The following CCDC38 variants were observed in gnomAD, a reference collection of about 807,000 sequenced individuals.
The protein encoded by CCDC38 is coiled-coil domain-containing protein 38.
A neutral mutation model predicts 72.8 loss-of-function variants in CCDC38; 69 were observed. That is an observed-to-expected ratio of 0.95 (90% CI 0.78 to 1.16). CCDC38 has a LOEUF of 1.16. Ranked by LOEUF, CCDC38 falls within the 50% of genes most tolerant of loss-of-function variation. The pLI is 0.00. For missense variants in CCDC38, 626 were observed against 638.9 expected (o/e 0.98, Z 0.22); for synonymous variants, 201 against 213.2 (o/e 0.94, Z 0.50).
intron 2 of CCDC38, among the ~76,000 whole-genome samples, chr12:95,922,272 A>G (rs2080217526): frequency 6.6e-6 from 1 of 152,174 alleles, no homozygotes. Context: ...CCTAAATACT[A>G]CGAGATAGCT....
chr12:95,911,972 C>T (rs2136711242), intron 4 of CCDC38, among the ~76,000 whole-genome samples: 1 of 152,236 alleles, frequency 6.6e-6, no homozygotes, highest in African/African-American at 2.4e-5. Flanking sequence ...ACCTAGATGC[C>T]CATCAACAGT....
chr12:95,919,911 T>G (rs1299305195), intron 2 of CCDC38, among the ~76,000 whole-genome samples: 1 of 152,222 alleles, frequency 6.6e-6, no homozygotes, highest in East Asian at 1.9e-4. Flanking sequence ...GCAGTCACTT[T>G]GGAAAACAAT....
intron 14 of CCDC38, among the ~76,000 whole-genome samples, chr12:95,870,536 C>T (rs61939173): frequency 0.054 from 8,198 of 152,072 alleles, 334 homozygotes; most frequent in Middle Eastern, 0.16. Context: ...AGCTAAAATT[C>T]TTTTTAAGAA....
At chr12:95,892,081 CTTTTTTTT>C (rs67478657) in intron 8 of CCDC38, among the ~76,000 whole-genome samples, 1 of 97,996 alleles carries the variant, frequency 1.0e-5, no homozygotes, top group Non-Finnish European at 1.9e-5. Context: ...GATCACTCTG[CTTTTTTTT>C]TTTTTTTTTT....
intron 8 of CCDC38, among the ~76,000 whole-genome samples, chr12:95,891,356 T>C (rs959464369): frequency 6.6e-6 from 1 of 152,132 alleles, no homozygotes; most frequent in Non-Finnish European, 1.5e-5. Flanking sequence ...TTTTATTTTA[T>C]TTTTTTGGGG....
chr12:95,903,213 T>C (rs1009472956), intron 5 of CCDC38, among the ~76,000 whole-genome samples: 10 of 152,172 alleles, frequency 6.6e-5, no homozygotes, highest in African/African-American at 2.4e-4. Context: ...TACAAGTTTA[T>C]AAAAATACAA....
intron 2 of CCDC38, among the ~76,000 whole-genome samples, chr12:95,921,128 C>CA (rs71307534): frequency 0.081 from 10,431 of 129,270 alleles, 472 homozygotes; most frequent in Non-Finnish European, 0.12. Context: ...AACTCCATCT[C>CA]AAAAAAAAAA....
At chr12:95,886,568 C>A (rs2079761566) in intron 10 of CCDC38, among the ~76,000 whole-genome samples, 2 of 152,024 alleles carry the variant, frequency 1.3e-5, no homozygotes, top group Admixed American at 6.6e-5. Context: ...ACCACATATC[C>A]CCAAAGGACT....
intron 15 of CCDC38, among the ~76,000 whole-genome samples, chr12:95,868,442 G>T (rs528279694): frequency 6.2e-4 from 95 of 152,230 alleles, no homozygotes; most frequent in African/African-American, 2.2e-3. Context: ...AAGTCTTCAT[G>T]GAAAGAATTG....
chr12:95,895,430 T>TA (rs2079876085), intron 7 of CCDC38, among the ~76,000 whole-genome samples: 1 of 152,100 alleles, frequency 6.6e-6, no homozygotes, highest in South Asian at 2.1e-4. Flanking sequence ...AACACTGTAT[T>TA]AAGTTTTAGA....
At chr12:95,889,527 C>T (rs1643120564) in intron 9 of CCDC38, among the ~76,000 whole-genome samples, 2 of 152,142 alleles carry the variant, frequency 1.3e-5, no homozygotes, top group African/African-American at 4.8e-5. Context: ...AGTGGCCTCA[C>T]AACACAAAAG....
intron 6 of CCDC38, 37 bp from the exon 7 acceptor site, chr12:95,898,502 G>GAAACAAACAAAC (rs60008366): frequency 1.9e-6 from 3 of 1,608,296 alleles, no homozygotes; most frequent in Admixed American, 1.7e-5. Flanking sequence ...TTGCTTCTTA[G>GAAACAAACAAAC]AAACAAACAA....
intron 5 of CCDC38, chr12:95,903,596 A>G: frequency 1.7e-6 from 1 of 580,862 alleles, no homozygotes; most frequent in Non-Finnish European, 3.1e-6. Flanking sequence ...GTCTCCATCA[A>G]GAATGAATTT....
intron 4 of CCDC38, among the ~76,000 whole-genome samples, chr12:95,911,568 G>A (rs538554702): frequency 4.1e-4 from 63 of 152,134 alleles, no homozygotes; most frequent in African/African-American, 1.5e-3. Flanking sequence ...ACATTGAAAA[G>A]TAGGCAAAAG....
intron 8 of CCDC38, among the ~76,000 whole-genome samples, chr12:95,893,191 C>G (rs1032385546): frequency 6.6e-6 from 1 of 152,164 alleles, no homozygotes; most frequent in African/African-American, 2.4e-5. Flanking sequence ...ATCTTTCTAT[C>G]TGAAAACATG....
chr12:95,909,165 A>G (rs1321234629), intron 4 of CCDC38, among the ~76,000 whole-genome samples: 2 of 152,176 alleles, frequency 1.3e-5, no homozygotes, highest in African/African-American at 4.8e-5. Flanking sequence ...TAGATTAACA[A>G]AGAAAAAAGA....
chr12:95,875,717 A>G (rs2079628561), intron 13 of CCDC38, among the ~76,000 whole-genome samples: 1 of 152,166 alleles, frequency 6.6e-6, no homozygotes, highest in Non-Finnish European at 1.5e-5. Flanking sequence ...TCACATCTCT[A>G]GAAGACACTA....
rs144957097 is a variant in CCDC38 at position 95,929,634 on chromosome 12, T to G, written c.37+6839A>C. On this transcript the variant is annotated intron_variant, in intron 2 of 15. Transcript: ENST00000344280. Reference sequence around the variant, plus strand: ...CTGACCAAGGTTAACTGTCTTGGAATTGACAAGGTGATATTTTTGTCCCTC... The same window carrying G: ...CTGACCAAGGTTAACTGTCTTGGAAGTGACAAGGTGATATTTTTGTCCCTC... Among the ~76,000 whole-genome samples, 13 of 152,346 alleles carry G rather than the reference T, an allele frequency of 8.5e-5. No individual in the cohort carries two copies. The South Asian group carries it at 1.2e-3, about 15-fold the overall frequency.
At chr12:95,890,538 C>T (rs76661241) in intron 9 of CCDC38, among the ~76,000 whole-genome samples, 10 of 152,370 alleles carry the variant, frequency 6.6e-5, no homozygotes, top group East Asian at 5.8e-4. Context: ...AAGGCAGGTC[C>T]GCGCCAGAGA....
Sources: allele counts gnomAD v4.1 joint callset (sites outside exome capture counted in the v4.1 genomes callset), GRCh38; gene constraint gnomAD v4.1.1; transcripts MANE v1.5; gene names NCBI Gene and HGNC (gene_info 2026-07-23, HGNC 2026-07-21).